Variants in PIBF1 observed in about 807,000 individuals in gnomAD.
PIBF1 encodes the protein progesterone immunomodulatory binding factor 1.
PIBF1 carries 90 observed loss-of-function variants against 112.5 expected under a neutral mutation model. The ratio of observed to expected loss-of-function variants is 0.80; its 90% CI spans 0.67 to 0.95. The LOEUF (loss-of-function observed/expected upper bound fraction) is 0.95. PIBF1 is among the 40% of genes least tolerant of loss of function. The probability of loss-of-function intolerance (pLI) is 0.00; values close to 1 mark genes in which losing one functional copy is unlikely to be tolerated. For synonymous variants in PIBF1, 301 were observed against 288.6 expected, an observed-to-expected ratio of 1.04 and a Z score of -0.44; for missense variants, 915 against 852.3, an observed-to-expected ratio of 1.07 and a Z score of -0.92.
chr13:72,989,591 A>G (rs965359613), intron 16 of PIBF1, among the ~76,000 whole-genome samples: 8 of 152,184 alleles, frequency 5.3e-5, no homozygotes, highest in Admixed American at 2.6e-4. Flanking sequence ...TGATGGGGGC[A>G]TGGCAGGATA....
In PIBF1 at chr13:72,931,524, A is replaced by G. The variant is rs574133529; in HGVS notation, c.1833+257A>G. Among the ~76,000 whole-genome samples, 22 of 152,144 alleles carry G rather than the reference A, an allele frequency of 1.4e-4. No individual in the cohort carries two copies. The East Asian group carries it at 4.1e-3, about 28-fold the overall frequency. On this transcript the variant is annotated intron_variant, in intron 14 of 17. Coordinates refer to ENST00000326291, the MANE Select transcript of PIBF1 (RefSeq NM_006346.4). ...ACAGACAGAGCTTTGATTTCTGAGA[A>G]TATCAACTGGTAAAACAGGTTTGGC... is the stretch of plus-strand genomic sequence containing the variant.
At chr13:72,873,561 C>G (rs1190948347) in intron 10 of PIBF1, among the ~76,000 whole-genome samples, 3 of 151,998 alleles carry the variant, frequency 2.0e-5, no homozygotes, top group Admixed American at 6.6e-5. Flanking sequence ...CGTCGCCACG[C>G]CCGGCTAATT....
intron 12 of PIBF1, among the ~76,000 whole-genome samples, chr13:72,915,690 G>T (rs934374096): frequency 6.6e-6 from 1 of 152,044 alleles, no homozygotes; most frequent in Non-Finnish European, 1.5e-5. Context: ...TCATAGTATT[G>T]GTAATGGCAT....
intron 16 of PIBF1, among the ~76,000 whole-genome samples, chr13:72,993,839 T>C (rs2043558762): frequency 6.6e-6 from 1 of 152,018 alleles, no homozygotes; most frequent in Non-Finnish European, 1.5e-5. Flanking sequence ...GCATGTTTCT[T>C]TTACAGCACC....
chr13:72,953,172 C>T (rs1033510428), intron 14 of PIBF1, among the ~76,000 whole-genome samples: 2 of 152,120 alleles, frequency 1.3e-5, no homozygotes, highest in African/African-American at 2.4e-5. Flanking sequence ...CCTGCTGTTC[C>T]AGCTGTTCAA....
intron 5 of PIBF1, among the ~76,000 whole-genome samples, chr13:72,817,776 T>A (rs964777518): frequency 1.3e-5 from 2 of 152,192 alleles, no homozygotes; most frequent in African/African-American, 4.8e-5. Context: ...TTTTCTACTC[T>A]CTATAGCTTT....
In PIBF1 at chr13:72,792,565, T is replaced by TAAAAA; in HGVS notation, c.353+24_353+28dup. On this transcript the variant is annotated intron_variant, in intron 3 of 17. Transcript: ENST00000326291. The stretch of plus-strand genomic sequence containing the variant: ...GATGCCAGGTAAGAAAAGTTTTTTT[T>TAAAAA]AAAAAAAAAACAACATCTATTTAGC... The TAAAAA allele has an allele frequency of 8.5e-7, 1 of 1,179,628 alleles. No homozygotes were observed. The highest frequency in any genetic ancestry group is 1.2e-6 in the Non-Finnish European group (1 of 840,136). 73.1% of individuals were successfully genotyped at this position (1,179,628 alleles called of 1,614,324 possible).
intron 14 of PIBF1, among the ~76,000 whole-genome samples, chr13:72,958,462 G>T (rs1311821407): frequency 1.3e-5 from 2 of 151,992 alleles, no homozygotes; most frequent in African/African-American, 4.8e-5. Flanking sequence ...TTCCTTACTT[G>T]GACCATACTT....
At chr13:72,811,423 C>T (rs965281686) in intron 5 of PIBF1, among the ~76,000 whole-genome samples, 4 of 151,848 alleles carry the variant, frequency 2.6e-5, no homozygotes, top group Non-Finnish European at 5.9e-5. Flanking sequence ...TCGGGAAACC[C>T]CATCTCTACT....
chr13:72,785,610 T>G (rs2034558072), intron 2 of PIBF1, among the ~76,000 whole-genome samples: 1 of 152,228 alleles, frequency 6.6e-6, no homozygotes, highest in African/African-American at 2.4e-5. Flanking sequence ...CTACCTAGTC[T>G]AGGTCACTTG....
chr13:72,982,125 C>T (rs2043171906), intron 16 of PIBF1, among the ~76,000 whole-genome samples: 1 of 152,110 alleles, frequency 6.6e-6, no homozygotes, highest in South Asian at 2.1e-4. Flanking sequence ...CCTTCTGTGT[C>T]AAGGGTCTTT....
At chr13:72,942,517 A>G (rs1297159633) in intron 14 of PIBF1, among the ~76,000 whole-genome samples, 6 of 152,180 alleles carry the variant, frequency 3.9e-5, no homozygotes, top group South Asian at 2.1e-4. Context: ...TACTCAGCCT[A>G]TGAAGGACTA....
intron 5 of PIBF1, among the ~76,000 whole-genome samples, chr13:72,811,608 A>AAAAAG (rs199831981): frequency 3.6e-5 from 5 of 139,648 alleles, no homozygotes; most frequent in African/African-American, 5.6e-5. Flanking sequence ...AAAAAAAAAA[A>AAAAAG]AGAGAGAGAA....
At chr13:72,954,867 G>A (rs550134748) in intron 14 of PIBF1, among the ~76,000 whole-genome samples, 75 of 152,154 alleles carry the variant, frequency 4.9e-4, no homozygotes, top group Non-Finnish European at 9.7e-4. Context: ...TTCCAAGTAG[G>A]AGAGGTATGC....
At chr13:72,835,826 G>A (rs1370007277) in intron 9 of PIBF1, among the ~76,000 whole-genome samples, 1 of 152,076 alleles carries the variant, frequency 6.6e-6, no homozygotes, top group Admixed American at 6.5e-5. Context: ...TTGGCTGGGC[G>A]TGGTGGCTCA....
chr13:72,919,405 G>C (rs528185793), intron 13 of PIBF1, among the ~76,000 whole-genome samples: 1 of 152,272 alleles, frequency 6.6e-6, no homozygotes, highest in Non-Finnish European at 1.5e-5. Context: ...TGAGGATTCA[G>C]ATATTTCAGA....
At chr13:72,877,583 C>G (rs982530935) in intron 10 of PIBF1, among the ~76,000 whole-genome samples, 1 of 152,036 alleles carries the variant, frequency 6.6e-6, no homozygotes, top group African/African-American at 2.4e-5. Context: ...TTCAGATTCT[C>G]TGTTTCTTCT....
intron 13 of PIBF1, among the ~76,000 whole-genome samples, chr13:72,917,485 C>CTT (rs145646917): frequency 6.8e-6 from 1 of 146,116 alleles, no homozygotes; most frequent in African/African-American, 2.5e-5. Flanking sequence ...ATTCATTGTG[C>CTT]TTTTTTTTTT....
intron 3 of PIBF1, among the ~76,000 whole-genome samples, chr13:72,793,404 A>T (rs1292348247): frequency 1.3e-5 from 2 of 152,112 alleles, no homozygotes; most frequent in African/African-American, 4.8e-5. Context: ...TTTAGCATGT[A>T]TCAGGAACAG....
Sources: allele counts gnomAD v4.1 joint callset (sites outside exome capture counted in the v4.1 genomes callset), GRCh38; gene constraint gnomAD v4.1.1; transcripts MANE v1.5; gene names NCBI Gene and HGNC (gene_info 2026-07-23, HGNC 2026-07-21).